The following CRYBG2 variants were observed in gnomAD, a reference collection of about 807,000 sequenced individuals.
CRYBG2 encodes the protein crystallin beta-gamma domain containing 2, also known as beta/gamma crystallin domain-containing protein 2.
In CRYBG2, 106 loss-of-function variants were observed where a neutral mutation model predicts 153.4. The ratio of observed to expected loss-of-function variants is 0.69; its 90% confidence interval spans 0.59 to 0.81. CRYBG2 has a LOEUF of 0.81. Among genes scored for constraint, CRYBG2 ranks in the 30% least tolerant of loss-of-function variants. CRYBG2 has a pLI of 0.00. For synonymous variants in CRYBG2, 851 were observed against 877.8 expected (o/e 0.97, Z 0.54); for missense variants, 1,996 against 2,112.0 (o/e 0.95, Z 1.08).
chr1:26,336,221 G>C lies in CRYBG2; in HGVS notation c.4072-14C>G. The stretch of plus-strand genomic sequence containing the variant: ...GAAAAGCTGAATCTGGAGGCAGAGA[G>C]GGGAGATGAGGGGAAGGAGGACGAT... On this transcript the variant is annotated splice_polypyrimidine_tract_variant and intron_variant, in intron 13 of 19. Coordinates refer to ENST00000308182, the MANE Select transcript of CRYBG2 (RefSeq NM_001039775.4). The surrounding 1 kb of genome is among the most constrained non-coding windows in gnomAD (Gnocchi z 4.9). 1 of 1,563,126 alleles carries C rather than the reference G, an allele frequency of 6.4e-7. No homozygotes were observed.
At chr1:26,331,165 A>G (rs1413307716) in intron 15 of CRYBG2, among the ~76,000 whole-genome samples, 1 of 152,116 alleles carries the variant, frequency 6.6e-6, no homozygotes, top group Non-Finnish European at 1.5e-5. Flanking sequence ...CCAAGCCCTG[A>G]GTGTTAGTCC....
intron 1 of CRYBG2, among the ~76,000 whole-genome samples, chr1:26,350,236 A>G (rs1194498960): frequency 6.6e-6 from 1 of 152,132 alleles, no homozygotes; most frequent in Non-Finnish European, 1.5e-5. Flanking sequence ...TTCTTACCAG[A>G]TGCACCCCCT....
Position 26,344,493 on chromosome 1 carries a change from G to C in CRYBG2, c.2165C>G (p.Thr722Ser). 8 of 1,544,852 alleles carry C rather than the reference G, an allele frequency of 5.2e-6. No homozygotes were observed. The highest frequency in any genetic ancestry group is 7.0e-6 in the Non-Finnish European group (8 of 1,144,242). ...TGCTCCTGTTGGCACTGGGGCAGGGGTGCCTCCTGGGCTGGGGGACACCCT... is the reference window on the plus strand; with the variant it reads ...TGCTCCTGTTGGCACTGGGGCAGGGCTGCCTCCTGGGCTGGGGGACACCCT... The part of the protein sequence containing the change: ...VDRVSPSPGG[T>S]PAPVPTGAEA... The change falls in exon 2 of 20, where the codon ACC (threonine) becomes AGC (serine). Residue 722 changes from threonine to serine, a missense_variant. Thr to Ser is a moderately conservative substitution (Grantham distance 58). Coordinates refer to ENST00000308182, the MANE Select transcript of CRYBG2 (RefSeq NM_001039775.4).
At chr1:26,338,878 T>C (rs1040048107) in intron 6 of CRYBG2, among the ~76,000 whole-genome samples, 4 of 152,226 alleles carry the variant, frequency 2.6e-5, no homozygotes, top group Non-Finnish European at 4.4e-5. Context: ...GGCCTTTGCA[T>C]GTGCTATTCC....
At position 26,345,276 on chromosome 1, in the gene CRYBG2, C is replaced by G. The variant is rs1028651411; in HGVS notation, c.1382G>C (p.Arg461Thr). The G allele has an allele frequency of 3.1e-6, 5 of 1,612,754 alleles. No individual in the cohort carries two copies. Among genetic ancestry groups the G allele is most frequent in the Non-Finnish European group, 4.2e-6 (5 of 1,179,646 alleles). ...AGCACCGGGGCCCTTCACGACCTCC[C>G]TCTGGGTAAAGGGGAGGACAGGGAC... is the stretch of plus-strand genomic sequence containing the variant. The part of the protein sequence containing the change: ...ENVPVLPFTQ[R>T]EVVKGPGAPA... Residue 461 changes from arginine to threonine, a missense_variant, in exon 2 of 20, where the codon AGG (arginine) becomes ACG (threonine). Physicochemically the swap from Arg to Thr is moderately conservative, Grantham distance 71. Transcript: ENST00000308182.
chr1:26,351,744 A>G lies in CRYBG2; in HGVS notation c.-56+2292T>C, dbSNP rs542834476. 2.6e-5 allele frequency among the ~76,000 whole-genome samples: 4 copies of G among 152,256 alleles called. No homozygotes were observed. The East Asian group carries it at 7.7e-4, about 29-fold the overall frequency. On this transcript the variant is annotated intron_variant, in intron 1 of 19. Transcript: ENST00000308182. ...CATGTGGTCATTGGCTTCTGCCTGC[A>G]TACCTCCAGGGACAGGGAGGTCACC...
At chr1:26,342,446 T>C (rs1469104075) in intron 5 of CRYBG2, among the ~76,000 whole-genome samples, 1 of 152,142 alleles carries the variant, frequency 6.6e-6, no homozygotes, top group Non-Finnish European at 1.5e-5. Flanking sequence ...GTTGCCCAGA[T>C]TGGAGTGCAG....
rs1371164621 is a variant in CRYBG2, at chr1:26,343,783, T to C, written c.2875A>G (p.Thr959Ala). ...PLLCSERSSP[T>A]EKLACSLPLE... is the part of the protein sequence containing the mutation. Reference sequence around the variant, plus strand: ...GGCAGGGAACAGGCAAGCTTCTCCGTTGGGGATGATCTTTCACTGCAAAGC... The same window carrying C: ...GGCAGGGAACAGGCAAGCTTCTCCGCTGGGGATGATCTTTCACTGCAAAGC... The change falls in exon 2 of 20, where the codon ACG becomes GCG. Residue 959 changes from threonine (T) to alanine (A), a missense_variant. By Grantham distance (58) the Thr-to-Ala change is moderately conservative. Transcript: ENST00000308182. This position sits in a 1 kb window ranked among gnomAD's most constrained non-coding sequence, Gnocchi z 4.1. 107 of 1,449,454 alleles carry C rather than the reference T, an allele frequency of 7.4e-5. No homozygotes were observed. The highest frequency in any genetic ancestry group is 5.0e-4 in the East Asian group (20 of 39,982). The allele number at this position is 1,449,454 out of a possible 1,614,324, so 89.8% of individuals were successfully genotyped here. A position where few individuals can be genotyped will look rare whatever the true frequency, so the allele number is the denominator to read the frequency against.
intron 1 of CRYBG2, among the ~76,000 whole-genome samples, chr1:26,353,269 C>A (rs1395811874): frequency 6.6e-6 from 1 of 152,158 alleles, no homozygotes; most frequent in Non-Finnish European, 1.5e-5. Flanking sequence ...AAACAAATTG[C>A]AAATGACAGC....
At chr1:26,342,994 C>T (rs1160405919) in intron 4 of CRYBG2, 53 bp downstream of exon 4, 2 of 1,536,396 alleles carry the variant, frequency 1.3e-6, no homozygotes, top group African/African-American at 2.7e-5. Context: ...TCACTCCCCT[C>T]TGCATCCCCC....
intron 7 of CRYBG2, 130 bp downstream of exon 7, chr1:26,338,221 G>A (rs2074085933): frequency 1.4e-6 from 2 of 1,447,778 alleles, no homozygotes. Context: ...GAAGCTCCCA[G>A]GAAGCAGTCT....
intron 18 of CRYBG2, among the ~76,000 whole-genome samples, chr1:26,323,167 A>G (rs2073880649): frequency 6.6e-6 from 1 of 151,426 alleles, no homozygotes; most frequent in Admixed American, 6.6e-5. Flanking sequence ...CGCAGCCTCA[A>G]TCTCCTGGGC....
intron 17 of CRYBG2, among the ~76,000 whole-genome samples, chr1:26,327,492 A>ACC (rs200642359): frequency 1.4e-4 from 21 of 148,488 alleles, no homozygotes; most frequent in East Asian, 9.8e-4. Flanking sequence ...AAAAAAAAAA[A>ACC]CCAAAAATTA....
Position 26,343,738 on chromosome 1 carries a change from CACTT to C in CRYBG2, c.2913+3_2913+6del. The C allele has an allele frequency of 1.4e-6, 2 of 1,445,362 alleles. No homozygotes were observed. The highest frequency in any genetic ancestry group is 2.5e-5 in the East Asian group (1 of 39,920). 89.5% of individuals were successfully genotyped at this position (1,445,362 alleles called of 1,614,324 possible). On this transcript the variant is annotated splice_donor_5th_base_variant and intron_variant, in intron 2 of 19. Coordinates refer to ENST00000308182, the MANE Select transcript of CRYBG2 (RefSeq NM_001039775.4). This position sits in a 1 kb window ranked among gnomAD's most constrained non-coding sequence, Gnocchi z 4.1. ...CACCTCCCTTGCCCACCCGAGGCCT[CACTT>C]ACCCACCCCTCCAGGGGCAGGGAAC...
chr1:26,329,811 T>C (rs187234365), intron 15 of CRYBG2, among the ~76,000 whole-genome samples: 2 of 152,292 alleles, frequency 1.3e-5, no homozygotes, highest in Admixed American at 1.3e-4. Context: ...AGTGGCGCAA[T>C]CTCAGCTCAC....
chr1:26,343,639 C>G lies in CRYBG2; in HGVS notation c.2913+106G>C, dbSNP rs1190110052. On this transcript the variant is annotated intron_variant, in intron 2 of 19. Coordinates refer to ENST00000308182, the MANE Select transcript of CRYBG2 (RefSeq NM_001039775.4). The surrounding 1 kb of genome is among the most constrained non-coding windows in gnomAD (Gnocchi z 4.1). ...AACTGAACCAGACTTCAGACAGAAG[C>G]CTCTGCCCCCAGACTCTGACTCCCA... is the stretch of plus-strand genomic sequence containing the variant. The G allele has an allele frequency of 7.4e-7, 1 of 1,344,996 alleles. No homozygotes were observed. The highest frequency in any genetic ancestry group is 9.8e-7 in the Non-Finnish European group (1 of 1,020,550). 83.3% of individuals were successfully genotyped at this position (1,344,996 alleles called of 1,614,324 possible).
intron 1 of CRYBG2, among the ~76,000 whole-genome samples, chr1:26,349,570 A>G (rs2074265365): frequency 1.3e-5 from 2 of 152,050 alleles, no homozygotes; most frequent in African/African-American, 2.4e-5. Flanking sequence ...TACTAAATGT[A>G]GGATAATATT....
At position 26,336,330 on chromosome 1, in the gene CRYBG2, T is replaced by C. The variant is rs1418350939; in HGVS notation, c.4071+8A>G. 2 of 1,613,342 alleles carry C rather than the reference T, an allele frequency of 1.2e-6. No homozygotes were observed. Among genetic ancestry groups the C allele is most frequent in the Non-Finnish European group, 1.7e-6 (2 of 1,179,704 alleles). The stretch of plus-strand genomic sequence containing the variant: ...GCCCAGCGGCTCCCTGCGGAGTCCC[T>C]GCCTTACCTTTGAGACGAAGTGCAG... On this transcript the variant is annotated splice_region_variant and intron_variant, in intron 13 of 19. Transcript: ENST00000308182. This position sits in a 1 kb window ranked among gnomAD's most constrained non-coding sequence, Gnocchi z 4.9.
chr1:26,329,615 G>C (rs2073975965), intron 15 of CRYBG2, among the ~76,000 whole-genome samples: 1 of 151,808 alleles, frequency 6.6e-6, no homozygotes, highest in Non-Finnish European at 1.5e-5. Context: ...GAGTAGCTGA[G>C]ACTACAGGCA....
Sources: allele counts gnomAD v4.1 joint callset (sites outside exome capture counted in the v4.1 genomes callset), GRCh38; gene constraint gnomAD v4.1.1; non-coding constraint Gnocchi (gnomAD v3.1); transcripts MANE v1.5; gene names NCBI Gene and HGNC (gene_info 2026-07-23, HGNC 2026-07-21).